Variants in ATXN1 observed in about 807,000 individuals in gnomAD.
ATXN1 encodes the protein ataxin 1, also known as ataxin-1.
ATXN1 carries 8 observed loss-of-function variants against 56.4 expected under a neutral mutation model. The ratio of observed to expected loss-of-function variants is 0.14; its 90% CI spans 0.08 to 0.26. The LOEUF (loss-of-function observed/expected upper bound fraction) is 0.26, where lower values mean the gene tolerates loss of function less well. Ranked by LOEUF, ATXN1 falls within the 10% of genes least tolerant of loss-of-function variation. ATXN1 has a pLI of 1.00. For synonymous variants in ATXN1, 514 were observed against 494.6 expected, an observed-to-expected ratio of 1.04 and a Z score of -0.52; for missense variants, 987 against 1,106.5, an observed-to-expected ratio of 0.89 and a Z score of 1.53.
chr6:16,318,765 GC>G (rs1760573936), intron 7 of ATXN1, among the ~76,000 whole-genome samples: 1 of 152,192 alleles, frequency 6.6e-6, no homozygotes, highest in Non-Finnish European at 1.5e-5. Context: ...ACACATGGTA[GC>G]GTGGCTCACA....
At chr6:16,638,171 A>G (rs918971766) in intron 3 of ATXN1, among the ~76,000 whole-genome samples, 3 of 152,090 alleles carry the variant, frequency 2.0e-5, no homozygotes, top group Non-Finnish European at 4.4e-5. Context: ...AAGGCCAGCC[A>G]TGGTCACTCA....
At chr6:16,725,990 C>A (rs992806557) in intron 2 of ATXN1, among the ~76,000 whole-genome samples, 2 of 152,158 alleles carry the variant, frequency 1.3e-5, no homozygotes, top group African/African-American at 4.8e-5. Flanking sequence ...CCCCACAATA[C>A]CCACATAATT....
intron 6 of ATXN1, among the ~76,000 whole-genome samples, chr6:16,418,748 A>G (rs1172590639): frequency 8.4e-6 from 1 of 118,434 alleles, no homozygotes; most frequent in African/African-American, 3.3e-5. Context: ...CCAGAGTGTG[A>G]TGTTCCCCTT....
intron 4 of ATXN1, among the ~76,000 whole-genome samples, chr6:16,555,561 C>T (rs2113732960): frequency 6.6e-6 from 1 of 152,292 alleles, no homozygotes; most frequent in East Asian, 1.9e-4. Context: ...CGGAAAATCA[C>T]ATAAAAGAAA....
chr6:16,448,246 A>G (rs1391219221), intron 6 of ATXN1, among the ~76,000 whole-genome samples: 1 of 151,996 alleles, frequency 6.6e-6, no homozygotes, highest in Non-Finnish European at 1.5e-5. Context: ...TCCTGGTCCT[A>G]CCTAGAATGC....
intron 6 of ATXN1, among the ~76,000 whole-genome samples, chr6:16,335,355 T>C (rs1322353749): frequency 6.6e-6 from 1 of 152,216 alleles, no homozygotes; most frequent in African/African-American, 2.4e-5. Context: ...AGCTGGGACC[T>C]GGCACAACTT....
chr6:16,459,385 G>C (rs1759945223), intron 6 of ATXN1, among the ~76,000 whole-genome samples: 1 of 152,144 alleles, frequency 6.6e-6, no homozygotes, highest in Non-Finnish European at 1.5e-5. Flanking sequence ...AAGGATTACA[G>C]GATATTGTTA....
rs1760101376 is a variant in ATXN1, at chr6:16,301,606, AGT to A, written c.*4721_*4722del. On this transcript the variant is annotated 3_prime_UTR_variant, in exon 8 of 8. Transcript: ENST00000436367. ...CTCCACGCCACTTAAAAAAAAAAAA[AGT>A]GTAATTCTCTCCTTTCACATCACCA... is the stretch of plus-strand genomic sequence containing the variant. The A allele has an allele frequency of 6.6e-6, 1 of 152,488 alleles. No homozygotes were observed. The highest frequency in any genetic ancestry group is 2.1e-4 in the South Asian group (1 of 4,832). The allele number at this position is 152,488 out of a possible 1,614,324, so 9.4% of individuals were successfully genotyped here. A position where few individuals can be genotyped will look rare whatever the true frequency, so the allele number is the denominator to read the frequency against.
chr6:16,686,694 T>C (rs573084783), intron 2 of ATXN1, among the ~76,000 whole-genome samples: 2 of 152,324 alleles, frequency 1.3e-5, no homozygotes, highest in African/African-American at 4.8e-5. Flanking sequence ...CGTAAGAGCA[T>C]TTCAAGGCAA....
intron 5 of ATXN1, among the ~76,000 whole-genome samples, chr6:16,505,190 T>TG (rs1307237845): frequency 1.2e-4 from 19 of 152,040 alleles, no homozygotes; most frequent in Admixed American, 2.0e-4. Flanking sequence ...TAGGCACACA[T>TG]GGGGAAGCCA....
intron 6 of ATXN1, among the ~76,000 whole-genome samples, chr6:16,407,266 C>G (rs1362318549): frequency 2.0e-5 from 3 of 152,184 alleles, no homozygotes; most frequent in African/African-American, 7.2e-5. Context: ...GAAACAAATA[C>G]ATTATTAAAT....
chr6:16,629,865 C>G (rs956155092), intron 3 of ATXN1, among the ~76,000 whole-genome samples: 2 of 150,266 alleles, frequency 1.3e-5, no homozygotes, highest in Non-Finnish European at 3.0e-5. Context: ...TGCAGTGAGC[C>G]GAGATCACAC....
intron 7 of ATXN1, among the ~76,000 whole-genome samples, chr6:16,315,332 C>T (rs146675673): frequency 2.6e-5 from 4 of 152,320 alleles, no homozygotes; most frequent in Non-Finnish European, 4.4e-5. Flanking sequence ...TATAAGCAAA[C>T]TGTATGGGTT....
intron 6 of ATXN1, among the ~76,000 whole-genome samples, chr6:16,420,948 A>G (rs758223839): frequency 1.6e-4 from 24 of 152,152 alleles, no homozygotes; most frequent in Non-Finnish European, 3.1e-4. Flanking sequence ...GCGGTTTTGT[A>G]GTTGATTTTC....
At chr6:16,669,667 C>CTTTTTTTTTTTTTTTTTTTTTTTTT (rs11356086) in intron 2 of ATXN1, among the ~76,000 whole-genome samples, 1 of 113,132 alleles carries the variant, frequency 8.8e-6, no homozygotes, top group Non-Finnish European at 1.8e-5. Flanking sequence ...ACTGAACAAT[C>CTTTTTTTTTTTTTTTTTTTTTTTTT]TTTTTTTTTT....
At chr6:16,467,966 C>T (rs1201669630) in intron 6 of ATXN1, among the ~76,000 whole-genome samples, 2 of 152,128 alleles carry the variant, frequency 1.3e-5, no homozygotes, top group African/African-American at 2.4e-5. Context: ...ATTTCTATTT[C>T]TATCTAGTGA....
At chr6:16,625,240 T>C (rs1020913083) in intron 3 of ATXN1, among the ~76,000 whole-genome samples, 7 of 152,262 alleles carry the variant, frequency 4.6e-5, no homozygotes, top group Non-Finnish European at 8.8e-5. Flanking sequence ...AAGAGAGTAC[T>C]ACCTACCCTG....
intron 6 of ATXN1, among the ~76,000 whole-genome samples, chr6:16,460,618 C>T (rs1303327401): frequency 6.6e-6 from 1 of 152,214 alleles, no homozygotes; most frequent in African/African-American, 2.4e-5. Flanking sequence ...CTACTTTTCT[C>T]CCAGAGGATG....
chr6:16,738,078 C>T (rs547639259), intron 2 of ATXN1: 1 of 152,262 alleles, frequency 6.6e-6, no homozygotes, highest in South Asian at 2.1e-4. Flanking sequence ...ACTTGGAAAA[C>T]CTCAGAGTCT....
Sources: allele counts gnomAD v4.1 joint callset (sites outside exome capture counted in the v4.1 genomes callset), GRCh38; gene constraint gnomAD v4.1.1; transcripts MANE v1.5; gene names NCBI Gene and HGNC (gene_info 2026-07-23, HGNC 2026-07-21).